Variants in SVIL observed in about 807,000 individuals in gnomAD.
The protein encoded by SVIL is archvillin.
SVIL carries 101 observed loss-of-function variants against 240.4 expected under a neutral mutation model. The ratio of observed to expected loss-of-function variants is 0.42; its 90% CI spans 0.36 to 0.50. SVIL has a LOEUF of 0.50. Among genes scored for constraint, SVIL ranks in the 20% least tolerant of loss-of-function variants. The pLI, the probability that SVIL is intolerant of heterozygous loss-of-function variation, is 0.01. For missense variants in SVIL, 2,512 were observed against 2,818.7 expected (o/e 0.89, Z 2.46); for synonymous variants, 999 against 1,100.0 (o/e 0.91, Z 1.82).
chr10:29,505,337 T>A (rs1271277566), intron 17 of SVIL, among the ~76,000 whole-genome samples: 3 of 151,340 alleles, frequency 2.0e-5, no homozygotes, highest in African/African-American at 7.3e-5. Flanking sequence ...AAAATAATAA[T>A]AATAATCATA....
chr10:29,463,188 G>C (rs74129286), intron 35 of SVIL, among the ~76,000 whole-genome samples: 14 of 152,290 alleles, frequency 9.2e-5, no homozygotes, highest in Admixed American at 6.5e-4. Flanking sequence ...AGTACAGCGG[G>C]GTTTTAATCT....
chr10:29,567,124 C>G (rs564287588), intron 2 of SVIL, among the ~76,000 whole-genome samples: 1 of 152,092 alleles, frequency 6.6e-6, no homozygotes, highest in East Asian at 1.9e-4. Context: ...TGTGCCGCCA[C>G]CCCCCTTCCT....
At chr10:29,639,653 G>T (rs1404221962), upstream of SVIL, among the ~76,000 whole-genome samples, 1 of 151,612 alleles carries the variant, frequency 6.6e-6, no homozygotes, top group African/African-American at 2.4e-5. Flanking sequence ...ATTTTTAGTA[G>T]ACAGGGTTTC....
intron 3 of SVIL, among the ~76,000 whole-genome samples, chr10:29,651,099 T>C (rs773154196): frequency 6.6e-6 from 1 of 152,122 alleles, no homozygotes; most frequent in Non-Finnish European, 1.5e-5. Flanking sequence ...AGGCAAAGAA[T>C]GGCACTCTTC....
chr10:29,582,051 G>A (rs1955966441), intron 1 of SVIL, among the ~76,000 whole-genome samples: 1 of 152,166 alleles, frequency 6.6e-6, no homozygotes, highest in Admixed American at 6.5e-5. Flanking sequence ...AGTTTATCAG[G>A]GGCTGGGCAG....
chr10:29,490,476 G>A (rs570677723), intron 22 of SVIL, among the ~76,000 whole-genome samples: 16 of 152,032 alleles, frequency 1.1e-4, no homozygotes, highest in South Asian at 6.3e-4. Flanking sequence ...AACCGGGTGC[G>A]GTGGCTTGTG....
chr10:29,531,817 T>G (rs1271906175), intron 9 of SVIL, among the ~76,000 whole-genome samples, 185 bp downstream of exon 9: 1 of 152,212 alleles, frequency 6.6e-6, no homozygotes, highest in Admixed American at 6.5e-5. Context: ...ATAATACCGC[T>G]GTAAAGGCTA....
At chr10:29,658,939 C>T (rs757509377) in intron 2 of SVIL, among the ~76,000 whole-genome samples, 2 of 152,040 alleles carry the variant, frequency 1.3e-5, no homozygotes, top group Admixed American at 6.6e-5. Flanking sequence ...AATAACTCAC[C>T]GAAGGCATCA....
Position 29,685,784 on chromosome 10 carries a change from A to C in SVIL, c.-301+769T>G, listed in dbSNP as rs1589512131. On this transcript the variant is annotated intron_variant, in intron 2 of 35. Transcript: ENST00000375400. ...CAAAGGGAGGAGAGTGTAATGAGGC[A>C]TGCCTGACCCTCCCTTTCCATCATG... Among the ~76,000 whole-genome samples, 4 of 152,306 alleles carry C rather than the reference A, an allele frequency of 2.6e-5. No individual in the cohort carries two copies. In the South Asian group the frequency reaches 8.3e-4, roughly 32 times the overall value.
chr10:29,692,148 T>G (rs1961557434), intron 1 of SVIL, among the ~76,000 whole-genome samples: 1 of 152,180 alleles, frequency 6.6e-6, no homozygotes, highest in Non-Finnish European at 1.5e-5. Flanking sequence ...AATCGTGAAC[T>G]TGGTTTCTTG....
At chr10:29,577,374 AC>A (rs1168845971) in intron 1 of SVIL, among the ~76,000 whole-genome samples, 1 of 151,914 alleles carries the variant, frequency 6.6e-6, no homozygotes, top group Non-Finnish European at 1.5e-5. Flanking sequence ...CTATTATACA[AC>A]TCTTACGCCT....
At chr10:29,545,364 T>G (rs1261883641) in intron 6 of SVIL, among the ~76,000 whole-genome samples, 6 of 152,108 alleles carry the variant, frequency 3.9e-5, no homozygotes. Context: ...TGGGGAGCCC[T>G]GCCCAAACCA....
At chr10:29,673,588 AG>A (rs1184318015) in intron 2 of SVIL, among the ~76,000 whole-genome samples, 11 of 147,426 alleles carry the variant, frequency 7.5e-5, no homozygotes, top group Non-Finnish European at 1.3e-4. Context: ...GGGGAGAGAG[AG>A]AGAGAGAGAG....
At chr10:29,695,819 C>G (rs1035055820) in intron 1 of SVIL, among the ~76,000 whole-genome samples, 17 of 133,110 alleles carry the variant, frequency 1.3e-4, no homozygotes, top group African/African-American at 5.0e-4. Context: ...CTCCCTCTCC[C>G]GTCTCCCTCT....
At chr10:29,593,134 G>A (rs150422969) in intron 1 of SVIL, among the ~76,000 whole-genome samples, 201 of 151,884 alleles carry the variant, frequency 1.3e-3, no homozygotes, top group African/African-American at 4.6e-3. Flanking sequence ...ATTGATATTT[G>A]TAGAGTTAGA....
intron 1 of SVIL, among the ~76,000 whole-genome samples, chr10:29,701,448 G>T (rs1962509502): frequency 6.6e-6 from 1 of 152,166 alleles, no homozygotes; most frequent in African/African-American, 2.4e-5. Context: ...GTTTGAGTTT[G>T]GGAGAAGAGA....
intron 17 of SVIL, among the ~76,000 whole-genome samples, chr10:29,501,943 G>C (rs1663027834): frequency 6.6e-6 from 1 of 152,134 alleles, no homozygotes; most frequent in Admixed American, 6.5e-5. Flanking sequence ...AGTCCAGGGT[G>C]GGGTAGTGGG....
Position 29,481,602 on chromosome 10 carries a change from C to T in SVIL, c.5082G>A (p.Gly1694=). The T allele has an allele frequency of 6.2e-7, 1 of 1,614,144 alleles. No homozygotes were observed. The highest frequency in any genetic ancestry group is 8.5e-7 in the Non-Finnish European group (1 of 1,180,032). The change falls in exon 28 of 38, where the codon GGG becomes GGA. Residue 1694 remains glycine (G), a synonymous_variant. Transcript: ENST00000355867. ...ELKRSNEKNP[G]ELAQHKEDPR... ...GGAATACCTTGTGCTGGGCAAGTTC[C>T]CCGGGGTTCTTCTCATTCGATCTCT...
chr10:29,462,293 G>T lies in SVIL; in HGVS notation c.6386C>A (p.Ala2129Asp). Reference sequence around the variant, plus strand: ...CGTGCTCACCATCTCTGTGATCTCAGCGATGTCCTCTCTGTGCTCCCAGCT... The same window carrying T: ...CGTGCTCACCATCTCTGTGATCTCATCGATGTCCTCTCTGTGCTCCCAGCT... ...FPSWEHREDI[A>D]EITEMDTEVS... The change falls in exon 36 of 38, where the codon GCT (alanine) becomes GAT (aspartate). Residue 2129 changes from alanine (A) to aspartate (D), a missense_variant. By Grantham distance (126) the Ala-to-Asp change is moderately radical (BLOSUM62 -2). This residue lies in a region of SVIL where 797 missense variants were observed against 925.3 expected (regional missense o/e 0.86). Coordinates refer to ENST00000355867, the MANE Select transcript of SVIL (RefSeq NM_021738.3). 6.2e-7 allele frequency: 1 copy of T among 1,614,208 alleles called. No homozygotes were observed. Among genetic ancestry groups the T allele is most frequent in the African/African-American group, 1.3e-5 (1 of 75,064 alleles).
Sources: gnomAD v4.1 joint callset for allele counts (sites outside exome capture counted in the v4.1 genomes callset) on GRCh38, gnomAD v4.1.1 for gene constraint, gnomAD v4.1.1 regional missense constraint, MANE v1.5 for transcripts, NCBI Gene and HGNC (gene_info 2026-07-23, HGNC 2026-07-21) for gene names.